Variants in SLC12A7 observed in about 807,000 individuals in gnomAD.
SLC12A7 encodes the protein solute carrier family 12 member 7.
A neutral mutation model predicts 120.6 loss-of-function variants in SLC12A7; 100 were observed. The observed-to-expected ratio is 0.83, with a 90% confidence interval of 0.71 to 0.98. SLC12A7 has a LOEUF of 0.98. Among genes scored for constraint, SLC12A7 ranks in the 50% least tolerant of loss-of-function variants. The pLI, the probability that SLC12A7 is intolerant of heterozygous loss-of-function variation, is 0.00. For synonymous variants in SLC12A7, 760 were observed against 678.0 expected (o/e 1.12, Z -1.88); for missense variants, 1,373 against 1,548.1 (o/e 0.89, Z 1.90).
At chr5:1,091,542 G>A (rs146211984) in intron 3 of SLC12A7, among the ~76,000 whole-genome samples, 53 of 152,336 alleles carry the variant, frequency 3.5e-4, no homozygotes, top group African/African-American at 1.2e-3. Flanking sequence ...GAAGGCCTGT[G>A]GCTCCTGAGT....
chr5:1,148,793 C>T, the SLC12A7 span, among the ~76,000 whole-genome samples: 6 of 152,154 alleles, frequency 3.9e-5, no homozygotes, highest in African/African-American at 1.2e-4. Flanking sequence ...TGTACACTGA[C>T]CAGGTAGACT....
At chr5:1,121,900 G>A in the SLC12A7 span, among the ~76,000 whole-genome samples, 1 of 152,184 alleles carries the variant, frequency 6.6e-6, no homozygotes, top group Admixed American at 6.5e-5. Flanking sequence ...CAAGTGTGGG[G>A]GGCATGAGAG....
chr5:1,083,589 G>A (rs185464113), intron 8 of SLC12A7, among the ~76,000 whole-genome samples, 156 bp downstream of exon 8: 304 of 152,308 alleles, frequency 2.0e-3, no homozygotes, highest in South Asian at 5.6e-3. Flanking sequence ...GTGTGTACAG[G>A]GACCCCCAGG....
chr5:1,115,096 A>C (rs1743261630), upstream of SLC12A7, among the ~76,000 whole-genome samples: 1 of 152,154 alleles, frequency 6.6e-6, no homozygotes, highest in Non-Finnish European at 1.5e-5. Flanking sequence ...TGCCCTTTCC[A>C]AGCATCGGTG....
intron 1 of SLC12A7, among the ~76,000 whole-genome samples, chr5:1,106,451 CAAAAAAAAAAA>C (rs36005053): frequency 1.2e-5 from 1 of 81,840 alleles, no homozygotes; most frequent in Non-Finnish European, 2.3e-5. Flanking sequence ...AACTCTGTCT[CAAAAAAAAAAA>C]AAAAAAAAAA....
In SLC12A7 at chr5:1,092,185, G is replaced by A. The variant is rs114048024; in HGVS notation, c.342+1348C>T. 4.8e-3 allele frequency among the ~76,000 whole-genome samples: 733 copies of A among 152,358 alleles called. 7 individuals carry two copies. The highest frequency in any genetic ancestry group is 0.017 in the African/African-American group (701 of 41,578). The stretch of plus-strand genomic sequence containing the variant: ...ATTTTGGAAATGCAGTATTAATTCC[G>A]CTGTGTTTACAGTAAAAGGAAGGAA... On this transcript the variant is annotated intron_variant, in intron 3 of 23. Transcript: ENST00000264930.
chr5:1,081,157 A>G (rs1341383055), intron 9 of SLC12A7, among the ~76,000 whole-genome samples: 2 of 152,096 alleles, frequency 1.3e-5, no homozygotes, highest in African/African-American at 4.8e-5. Flanking sequence ...AGAAATGGAC[A>G]AAGACAAAGG....
the SLC12A7 span, among the ~76,000 whole-genome samples, chr5:1,120,993 A>G: frequency 2.6e-5 from 4 of 152,132 alleles, no homozygotes; most frequent in African/African-American, 9.7e-5. Context: ...TGCCAGCTGC[A>G]CCTCACTCAG....
upstream of SLC12A7, chr5:1,112,160 G>A: frequency 1.3e-6 from 1 of 791,692 alleles, no homozygotes; most frequent in Non-Finnish European, 1.7e-6. Context: ...GTTGGCCCGC[G>A]GCGACTTCCT....
Position 1,077,848 on chromosome 5 carries a change from G to A in SLC12A7, c.1614C>T (p.Ile538=), listed in dbSNP as rs376622787. Residue 538 remains isoleucine, a synonymous_variant, in exon 12 of 24, where the codon ATC becomes ATT. Transcript: ENST00000264930. ...RLLQAIARDG[I]VPFLQVFGHG... is the part of the protein sequence containing the mutation. Reference sequence around the variant, plus strand: ...CGGGACTCACCTGCAGGAAGGGGACGATGCCGTCACGGGCAATGGCCTGCA... The same window carrying A: ...CGGGACTCACCTGCAGGAAGGGGACAATGCCGTCACGGGCAATGGCCTGCA... The A allele has an allele frequency of 2.3e-4, 363 of 1,589,974 alleles. 5 individuals are homozygous for A. The South Asian group carries it at 3.5e-3, about 15-fold the overall frequency.
At chr5:1,097,811 T>C (rs1032156652) in intron 1 of SLC12A7, among the ~76,000 whole-genome samples, 1 of 152,108 alleles carries the variant, frequency 6.6e-6, no homozygotes, top group Non-Finnish European at 1.5e-5. Flanking sequence ...AGAGCATGAT[T>C]ACAACCTTCA....
chr5:1,109,400 C>A, intron 1 of SLC12A7, among the ~76,000 whole-genome samples: 1 of 152,224 alleles, frequency 6.6e-6, no homozygotes. Flanking sequence ...TCTCAAAAAA[C>A]CACCCCACTG....
At chr5:1,088,077 C>T (rs1233095008) in intron 5 of SLC12A7, among the ~76,000 whole-genome samples, 1 of 152,182 alleles carries the variant, frequency 6.6e-6, no homozygotes, top group Admixed American at 6.5e-5. Context: ...CACTGCCTAC[C>T]CTGGCAAGAG....
intron 22 of SLC12A7, among the ~76,000 whole-genome samples, chr5:1,055,724 ATG>A (rs1481216379): frequency 6.6e-6 from 1 of 152,192 alleles, no homozygotes; most frequent in Non-Finnish European, 1.5e-5. Context: ...GTGCCTGTGC[ATG>A]TGTGTGTCAA....
At chr5:1,136,770 C>G in the SLC12A7 span, among the ~76,000 whole-genome samples, 23 of 141,652 alleles carry the variant, frequency 1.6e-4, no homozygotes, top group African/African-American at 5.6e-4. Context: ...CACACGTGTG[C>G]TCAGACACCA....
chr5:1,073,862 C>T lies in SLC12A7; in HGVS notation c.2073-61G>A, dbSNP rs1738009105. 4 of 1,327,768 alleles carry T rather than the reference C, an allele frequency of 3.0e-6. No individual in the cohort carries two copies. In the East Asian group the frequency reaches 1.1e-4, roughly 37 times the overall value. 82.2% of individuals were successfully genotyped at this position (1,327,768 alleles called of 1,614,324 possible). Reference sequence around the variant, plus strand: ...CGCTTACCAGGGCACGGCCCATCAACAGGCAGGGCAGATGGGACGGGCGGG... The same window carrying T: ...CGCTTACCAGGGCACGGCCCATCAATAGGCAGGGCAGATGGGACGGGCGGG... On this transcript the variant is annotated intron_variant, in intron 16 of 23. Transcript: ENST00000264930.
At chr5:1,085,979 G>C (rs771343453) in intron 6 of SLC12A7, among the ~76,000 whole-genome samples, 4 of 152,192 alleles carry the variant, frequency 2.6e-5, no homozygotes, top group Non-Finnish European at 5.9e-5. Flanking sequence ...GGGAAGGGAC[G>C]GAGACGTGAG....
intron 3 of SLC12A7, among the ~76,000 whole-genome samples, chr5:1,090,356 G>A (rs1409405006): frequency 1.3e-5 from 2 of 152,186 alleles, no homozygotes; most frequent in Non-Finnish European, 2.9e-5. Context: ...TGAGAGCCTG[G>A]GGGATTCACT....
Position 1,074,688 on chromosome 5 carries a change from C to A in SLC12A7, c.1968-17G>T, listed in dbSNP as rs150288110. The A allele has an allele frequency of 1.4e-5, 22 of 1,610,616 alleles. No homozygotes were observed. Among genetic ancestry groups the A allele is most frequent in the African/African-American group, 2.7e-5 (2 of 74,866 alleles). On this transcript the variant is annotated splice_polypyrimidine_tract_variant and intron_variant, in intron 15 of 23. Transcript: ENST00000264930. ...TTCTCGGCCCTGTGGGAAAGGAAGT[C>A]GGGGTTTGTCCAGCCGCGTACCTGG...
Sources: allele counts gnomAD v4.1 joint callset (sites outside exome capture counted in the v4.1 genomes callset), GRCh38; gene constraint gnomAD v4.1.1; transcripts MANE v1.5; gene names NCBI Gene and HGNC (gene_info 2026-07-23, HGNC 2026-07-21).